ARHGAP23: variants seen among roughly 807,000 people sequenced by gnomAD.
The protein encoded by ARHGAP23 is rho GTPase-activating protein 23.
A neutral mutation model predicts 136.3 loss-of-function variants in ARHGAP23; 34 were observed. The ratio of observed to expected loss-of-function variants is 0.25; its 90% CI spans 0.19 to 0.33. The LOEUF is 0.33. Among genes scored for constraint, ARHGAP23 ranks in the 10% least tolerant of loss-of-function variants. The pLI, the probability that ARHGAP23 is intolerant of heterozygous loss-of-function variation, is 1.00. For missense variants in ARHGAP23, 1,808 were observed against 2,139.0 expected, an observed-to-expected ratio of 0.85 and a Z score of 3.05; for synonymous variants, 832 against 920.5, an observed-to-expected ratio of 0.90 and a Z score of 1.74.
chr17:38,441,302 G>A (rs2038915243), intron 1 of ARHGAP23, among the ~76,000 whole-genome samples: 1 of 152,248 alleles, frequency 6.6e-6, no homozygotes, highest in Non-Finnish European at 1.5e-5. Context: ...TGCCAGCCTG[G>A]CGCACTATTC....
At chr17:38,435,786 A>T (rs1236030509) in intron 1 of ARHGAP23, among the ~76,000 whole-genome samples, 3 of 152,110 alleles carry the variant, frequency 2.0e-5, no homozygotes. Context: ...TTTTTAGTAG[A>T]GATGGGCGTT....
intron 5 of ARHGAP23, 65 bp from the exon 6 acceptor site, chr17:38,463,263 A>T: frequency 6.5e-7 from 1 of 1,550,220 alleles, no homozygotes; most frequent in Admixed American, 2.0e-5. Flanking sequence ...TGCCCTGGAG[A>T]CCAGGATCCC....
At position 38,499,911 on chromosome 17, in the gene ARHGAP23, T is replaced by C. The variant is rs1310172711; in HGVS notation, c.3416-686T>C. Among the ~76,000 whole-genome samples the C allele has an allele frequency of 2.6e-5, 4 of 151,912 alleles. No individual in the cohort carries two copies. In the Middle Eastern group the frequency reaches 0.01, roughly 390 times the overall value. On this transcript the variant is annotated intron_variant, in intron 22 of 23. Transcript: ENST00000622683. Reference sequence around the variant, plus strand: ...CTCCACCCCAGTGATATTAAGGGAGTGGGACCCAAGTCCCATAGAAATCAT... The same window carrying C: ...CTCCACCCCAGTGATATTAAGGGAGCGGGACCCAAGTCCCATAGAAATCAT...
chr17:38,495,305 C>A (rs1471693590), intron 20 of ARHGAP23, among the ~76,000 whole-genome samples: 1 of 151,288 alleles, frequency 6.6e-6, no homozygotes, highest in African/African-American at 2.4e-5. Context: ...GGTCTCCACT[C>A]ACTGCAGCCT....
intron 1 of ARHGAP23, among the ~76,000 whole-genome samples, chr17:38,438,738 C>A (rs2038858316): frequency 6.6e-6 from 1 of 152,032 alleles, no homozygotes; most frequent in Non-Finnish European, 1.5e-5. Flanking sequence ...AATCCCAGCA[C>A]TTTGGGAGGC....
chr17:38,432,342 G>A (rs2038703399), intron 1 of ARHGAP23, among the ~76,000 whole-genome samples: 1 of 152,098 alleles, frequency 6.6e-6, no homozygotes, highest in African/African-American at 2.4e-5. Context: ...TTTGAGACCA[G>A]CCTGGGTGAC....
intron 23 of ARHGAP23, among the ~76,000 whole-genome samples, chr17:38,508,600 G>A (rs2040684692): frequency 6.6e-6 from 1 of 152,214 alleles, no homozygotes; most frequent in African/African-American, 2.4e-5. Flanking sequence ...TGGGGCAAGG[G>A]TGGAGGCAGG....
At chr17:38,447,437 GAAAAAAAAA>G (rs71138625) in intron 1 of ARHGAP23, among the ~76,000 whole-genome samples, 147 of 25,632 alleles carry the variant, frequency 5.7e-3, no homozygotes, top group East Asian at 9.6e-3. Context: ...GACTCCGTCT[GAAAAAAAAA>G]AAAAAAAAAA....
intron 3 of ARHGAP23, among the ~76,000 whole-genome samples, chr17:38,461,575 G>C (rs1193937377): frequency 6.6e-6 from 1 of 152,234 alleles, no homozygotes; most frequent in Non-Finnish European, 1.5e-5. Flanking sequence ...CGTGATGAGG[G>C]AGGAGCCCGC....
intron 6 of ARHGAP23, among the ~76,000 whole-genome samples, chr17:38,464,437 GGA>G (rs2039535044): frequency 6.6e-6 from 1 of 152,238 alleles, no homozygotes; most frequent in South Asian, 2.1e-4. Context: ...CTGTCCCTGG[GGA>G]GGCCCTGGGA....
chr17:38,475,983 C>T (rs1170451527), intron 11 of ARHGAP23, among the ~76,000 whole-genome samples: 2 of 152,164 alleles, frequency 1.3e-5, no homozygotes, highest in Non-Finnish European at 1.5e-5. Flanking sequence ...AAAGGAACAG[C>T]AAGCGGAGAG....
intron 1 of ARHGAP23, among the ~76,000 whole-genome samples, chr17:38,457,202 G>T (rs1660363104): frequency 6.6e-6 from 1 of 152,138 alleles, no homozygotes; most frequent in Admixed American, 6.5e-5. Context: ...GCAAAGGCTG[G>T]TCTCCACCCG....
At chr17:38,453,976 G>A (rs2039261136) in intron 1 of ARHGAP23, 1 of 146,432 alleles carries the variant, frequency 6.8e-6, no homozygotes, top group Non-Finnish European at 1.5e-5. Context: ...GCCGGCCGCG[G>A]AGCTGGTGGG....
chr17:38,422,618 C>T (rs2038530692), intron 1 of ARHGAP23, among the ~76,000 whole-genome samples: 1 of 152,166 alleles, frequency 6.6e-6, no homozygotes, highest in African/African-American at 2.4e-5. Context: ...TGCCAGCTTA[C>T]CCTGCTGCCA....
chr17:38,480,219 G>C (rs959983563), intron 14 of ARHGAP23, among the ~76,000 whole-genome samples: 1 of 152,160 alleles, frequency 6.6e-6, no homozygotes, highest in Non-Finnish European at 1.5e-5. Context: ...GTTCTTACCT[G>C]GCTGGGCAAG....
chr17:38,475,072 C>A (rs549403642), intron 11 of ARHGAP23, among the ~76,000 whole-genome samples: 1 of 152,350 alleles, frequency 6.6e-6, no homozygotes, highest in East Asian at 1.9e-4. Context: ...GGCCAAAACC[C>A]GATATCACTT....
At chr17:38,426,427 G>A (rs2038570012), upstream of ARHGAP23, among the ~76,000 whole-genome samples, 1 of 151,814 alleles carries the variant, frequency 6.6e-6, no homozygotes, top group Admixed American at 6.6e-5. Flanking sequence ...GTAGGCGCCT[G>A]TAATCCCAGC....
chr17:38,467,027 C>T lies in ARHGAP23; in HGVS notation c.1344C>T (p.Thr448=), dbSNP rs1009480965. The stretch of plus-strand genomic sequence containing the variant: ...ACTCACCCTTTGGGGGGCTGCCTAC[C>T]TTCAACCTGGCCCAGTCCCCTGCGT... ...FRDSPFGGLP[T]FNLAQSPASF... is the part of the protein sequence containing the mutation. The change falls in exon 7 of 24, where the codon ACC becomes ACT. Residue 448 remains threonine, a synonymous_variant. Transcript: ENST00000622683. The T allele has an allele frequency of 6.4e-7, 1 of 1,550,918 alleles. No homozygotes were observed.
At chr17:38,424,987 C>T (rs1416987385), upstream of ARHGAP23, among the ~76,000 whole-genome samples, 1 of 152,234 alleles carries the variant, frequency 6.6e-6, no homozygotes, top group Non-Finnish European at 1.5e-5. Flanking sequence ...CACCAAATCC[C>T]AGAGCCTCTG....
Sources: allele counts gnomAD v4.1 joint callset (sites outside exome capture counted in the v4.1 genomes callset), GRCh38; gene constraint gnomAD v4.1.1; transcripts MANE v1.5; gene names NCBI Gene and HGNC (gene_info 2026-07-23, HGNC 2026-07-21).